SNTG2: variants seen among roughly 807,000 people sequenced by gnomAD.
The protein encoded by SNTG2 is gamma-2-syntrophin.
In SNTG2, 74 loss-of-function variants were observed where a neutral mutation model predicts 70.9. The ratio of observed to expected loss-of-function variants is 1.04; its 90% CI spans 0.86 to 1.27. The LOEUF is 1.27. Ranked by LOEUF, SNTG2 falls within the 50% of genes most tolerant of loss-of-function variation. The probability of loss-of-function intolerance (pLI) is 0.00; values close to 1 mark genes in which losing one functional copy is unlikely to be tolerated. For missense variants in SNTG2, 717 were observed against 690.7 expected (o/e 1.04, Z -0.43); for synonymous variants, 278 against 273.8 (o/e 1.02, Z -0.15).
intron 1 of SNTG2, among the ~76,000 whole-genome samples, chr2:1,039,607 T>C (rs989146263): frequency 1.3e-5 from 2 of 152,204 alleles, no homozygotes; most frequent in African/African-American, 4.8e-5. Flanking sequence ...AGAATCAGTC[T>C]CTTTTTATCA....
At chr2:1,129,780 T>C (rs1422985909) in intron 4 of SNTG2, among the ~76,000 whole-genome samples, 1 of 152,236 alleles carries the variant, frequency 6.6e-6, no homozygotes, top group Non-Finnish European at 1.5e-5. Context: ...CAATAGACTC[T>C]GCCATCAATA....
At chr2:1,231,307 T>A (rs929015444) in intron 9 of SNTG2, among the ~76,000 whole-genome samples, 1 of 152,040 alleles carries the variant, frequency 6.6e-6, no homozygotes, top group Non-Finnish European at 1.5e-5. Flanking sequence ...ATAATGACAA[T>A]GCCTCTTCCA....
rs946647735 is a variant in SNTG2, at chr2:1,266,233, C to T, written c.1078-1132C>T. ...AGGTGCCAGCCAGGTATTGAGTGCG[C>T]GTTCACCATGCACCTCCATGCTGTT... On this transcript the variant is annotated intron_variant, in intron 13 of 16. Coordinates refer to ENST00000308624, the MANE Select transcript of SNTG2 (RefSeq NM_018968.4). 6.6e-5 allele frequency among the ~76,000 whole-genome samples: 10 copies of T among 152,114 alleles called. No homozygotes were observed. In the East Asian group the frequency reaches 9.7e-4, roughly 15 times the overall value.
At chr2:1,238,055 A>C in intron 10 of SNTG2, 38 bp downstream of exon 10, 1 of 1,578,310 alleles carries the variant, frequency 6.3e-7, no homozygotes, top group Non-Finnish European at 8.6e-7. Context: ...GCTGATGCTC[A>C]TTCGTGCATG....
chr2:1,113,758 T>A (rs1235599572), intron 4 of SNTG2, among the ~76,000 whole-genome samples: 1 of 150,740 alleles, frequency 6.6e-6, no homozygotes, highest in Non-Finnish European at 1.5e-5. Flanking sequence ...TGGTGTGTAC[T>A]AAGTGAAATT....
At chr2:1,019,900 G>A (rs542943736) in intron 1 of SNTG2, among the ~76,000 whole-genome samples, 4 of 152,186 alleles carry the variant, frequency 2.6e-5, no homozygotes, top group Non-Finnish European at 4.4e-5. Flanking sequence ...AAAATTAGCC[G>A]GGTGTGGTGG....
intron 13 of SNTG2, among the ~76,000 whole-genome samples, chr2:1,260,795 G>A (rs961868538): frequency 2.0e-5 from 3 of 152,176 alleles, no homozygotes; most frequent in Admixed American, 2.0e-4. Flanking sequence ...ATTCGTAGAA[G>A]AATTCTTGGC....
chr2:1,326,175 C>T (rs1681749514), intron 16 of SNTG2, among the ~76,000 whole-genome samples: 1 of 152,092 alleles, frequency 6.6e-6, no homozygotes, highest in Non-Finnish European at 1.5e-5. Context: ...AATTTTGGTA[C>T]ATATATTTAT....
chr2:1,243,073 G>A (rs188149227), intron 11 of SNTG2, among the ~76,000 whole-genome samples: 1 of 152,296 alleles, frequency 6.6e-6, no homozygotes, highest in Admixed American at 6.5e-5. Context: ...AAGCTATAAC[G>A]TATTTCTTTG....
intron 9 of SNTG2, among the ~76,000 whole-genome samples, chr2:1,233,198 T>A (rs1273910697): frequency 6.6e-6 from 1 of 152,204 alleles, no homozygotes; most frequent in Non-Finnish European, 1.5e-5. Context: ...TTAAGAATTC[T>A]CAGTTTTTAG....
In SNTG2 at chr2:1,170,302, G is replaced by A. The variant is rs189720578; in HGVS notation, c.500-2790G>A. On this transcript the variant is annotated intron_variant, in intron 7 of 16. Coordinates refer to ENST00000308624, the MANE Select transcript of SNTG2 (RefSeq NM_018968.4). ...TCAGCAGTTTTAAATATTTCACTAC[G>A]TTGTAGAGGCATTGCTACTGTCTAA... is the stretch of plus-strand genomic sequence containing the variant. Among the ~76,000 whole-genome samples, 7 of 152,274 alleles carry A rather than the reference G, an allele frequency of 4.6e-5. No homozygotes were observed. In the East Asian group the frequency reaches 9.7e-4, roughly 21 times the overall value.
intron 9 of SNTG2, among the ~76,000 whole-genome samples, chr2:1,229,183 T>C (rs1021398370): frequency 3.3e-5 from 5 of 152,172 alleles, no homozygotes; most frequent in African/African-American, 1.2e-4. Flanking sequence ...CCTGCTTTTA[T>C]TCTCTTATCT....
At chr2:1,219,354 T>A (rs192308599) in intron 9 of SNTG2, among the ~76,000 whole-genome samples, 1 of 152,334 alleles carries the variant, frequency 6.6e-6, no homozygotes, top group East Asian at 1.9e-4. Flanking sequence ...TCTTGCGTAT[T>A]TCTCTATGGC....
chr2:1,043,647 C>T (rs1450693606), intron 1 of SNTG2, among the ~76,000 whole-genome samples: 2 of 152,164 alleles, frequency 1.3e-5, no homozygotes, highest in Non-Finnish European at 2.9e-5. Context: ...CCAGTTATCC[C>T]AGCACGATTT....
chr2:1,134,082 G>A (rs1668198579), intron 4 of SNTG2, among the ~76,000 whole-genome samples: 1 of 152,042 alleles, frequency 6.6e-6, no homozygotes, highest in African/African-American at 2.4e-5. Context: ...TGCGTCTGGA[G>A]TTGTTGGTTC....
chr2:1,100,178 C>A (rs1039201370), intron 4 of SNTG2, among the ~76,000 whole-genome samples: 84 of 151,914 alleles, frequency 5.5e-4, no homozygotes, highest in African/African-American at 1.7e-3. Flanking sequence ...TTTCTTCCCC[C>A]ACCCCACTGA....
chr2:976,332 C>T (rs938593558), intron 1 of SNTG2, among the ~76,000 whole-genome samples: 8 of 152,138 alleles, frequency 5.3e-5, no homozygotes, highest in East Asian at 3.9e-4. Flanking sequence ...AAGAGAAACA[C>T]GAGCCAGCAC....
intron 1 of SNTG2, among the ~76,000 whole-genome samples, chr2:1,059,504 T>G (rs1043322718): frequency 6.6e-6 from 1 of 152,228 alleles, no homozygotes; most frequent in African/African-American, 2.4e-5. Flanking sequence ...AATGGAAACT[T>G]GGAGTCACAA....
At chr2:1,000,768 A>C (rs1351832522) in intron 1 of SNTG2, among the ~76,000 whole-genome samples, 1 of 151,902 alleles carries the variant, frequency 6.6e-6, no homozygotes, top group Non-Finnish European at 1.5e-5. Flanking sequence ...TCATTCTATG[A>C]AACCAGTATC....
Sources: gnomAD v4.1 joint callset for allele counts (sites outside exome capture counted in the v4.1 genomes callset) on GRCh38, gnomAD v4.1.1 for gene constraint, MANE v1.5 for transcripts, NCBI Gene and HGNC (gene_info 2026-07-23, HGNC 2026-07-21) for gene names.